UGT1A8: variants seen among roughly 807,000 people sequenced by gnomAD.
The protein encoded by UGT1A8 is UDP glucuronosyltransferase family 1 member A8, also known as UDP-glucuronosyltransferase 1A8.
Under a neutral mutation model 45.3 loss-of-function variants are expected in UGT1A8, and 39 were observed. That is an observed-to-expected ratio of 0.86 (90% CI 0.67 to 1.12). The LOEUF (loss-of-function observed/expected upper bound fraction) is 1.12, where lower values mean the gene tolerates loss of function less well. UGT1A8 is among the 50% of genes most tolerant of loss of function. The pLI is 0.00. For missense variants in UGT1A8, 719 were observed against 664.9 expected, an observed-to-expected ratio of 1.08 and a Z score of -0.90; for synonymous variants, 275 against 249.2, an observed-to-expected ratio of 1.10 and a Z score of -0.97.
chr2:233,661,968 A>C (rs1222576566), intron 1 of UGT1A8, among the ~76,000 whole-genome samples: 1 of 152,100 alleles, frequency 6.6e-6, no homozygotes, highest in East Asian at 1.9e-4. Context: ...TGAACTGTAC[A>C]CATGGAGATG....
Position 233,772,442 on chromosome 2 carries a change from C to T in UGT1A8, c.1476C>T (p.Leu492=), listed in dbSNP as rs1249728637. The T allele has an allele frequency of 1.2e-6, 2 of 1,614,208 alleles. No individual in the cohort carries two copies. Among genetic ancestry groups the T allele is most frequent in the Admixed American group, 3.3e-5 (2 of 60,020 alleles). ...ATTCCTTGGACGTGATTGGTTTCCTCTTGGCCGTCGTGCTGACAGTGGCCT... is the reference window on the plus strand; with the variant it reads ...ATTCCTTGGACGTGATTGGTTTCCTTTTGGCCGTCGTGCTGACAGTGGCCT... ...QYHSLDVIGF[L]LAVVLTVAFI... Residue 492 remains leucine, a synonymous_variant, in exon 5 of 5, where the codon CTC becomes CTT. Coordinates refer to ENST00000373450, the MANE Select transcript of UGT1A8 (RefSeq NM_019076.5).
chr2:233,710,872 T>TA (rs1227633401), intron 1 of UGT1A8, among the ~76,000 whole-genome samples: 2 of 152,242 alleles, frequency 1.3e-5, no homozygotes, highest in African/African-American at 4.8e-5. Flanking sequence ...TTAAAAAAGT[T>TA]AAACAGTTTA....
At chr2:233,694,003 G>A in intron 1 of UGT1A8, 1 of 1,487,488 alleles carries the variant, frequency 6.7e-7, no homozygotes, top group Non-Finnish European at 9.1e-7. Context: ...CCGGCTCGGA[G>A]CAGCGGGAAC....
At chr2:233,679,202 G>A (rs75444879) in intron 1 of UGT1A8, among the ~76,000 whole-genome samples, 53,571 of 151,738 alleles carry the variant, frequency 0.35, 9,582 homozygotes, top group South Asian at 0.44. Context: ...TGTTGAACTT[G>A]TGGGTTCTGG....
chr2:233,739,954 C>G lies in UGT1A8; in HGVS notation c.856-27080C>G, dbSNP rs28900075. On this transcript the variant is annotated intron_variant, in intron 1 of 4. Coordinates refer to ENST00000373450, the MANE Select transcript of UGT1A8 (RefSeq NM_019076.5). Reference sequence around the variant, plus strand: ...TGTTAAGGTTGGTACCTGGTGGGAGCTGATTGAATCATATCGGCAGTTTTC... The same window carrying G: ...TGTTAAGGTTGGTACCTGGTGGGAGGTGATTGAATCATATCGGCAGTTTTC... Among the ~76,000 whole-genome samples the G allele has an allele frequency of 3.7e-4, 56 of 151,998 alleles. No homozygotes were observed. In the East Asian group the frequency reaches 0.011, roughly 29 times the overall value.
chr2:233,758,803 T>C (rs554075465), intron 1 of UGT1A8, among the ~76,000 whole-genome samples: 1 of 152,342 alleles, frequency 6.6e-6, no homozygotes, highest in Admixed American at 6.5e-5. Context: ...TGGAATTGTA[T>C]AGTACAGCAG....
At chr2:233,671,095 CT>C (rs2074178067) in intron 1 of UGT1A8, among the ~76,000 whole-genome samples, 1 of 152,184 alleles carries the variant, frequency 6.6e-6, no homozygotes, top group Non-Finnish European at 1.5e-5. Flanking sequence ...GACATCACCT[CT>C]GACCTCAAGG....
At chr2:233,634,363 T>C (rs1040781566) in intron 1 of UGT1A8, among the ~76,000 whole-genome samples, 2 of 152,222 alleles carry the variant, frequency 1.3e-5, no homozygotes, top group African/African-American at 4.8e-5. Context: ...CTGAATTTCC[T>C]TGTGAATTTT....
At chr2:233,719,662 G>A in intron 1 of UGT1A8, 6 of 1,614,092 alleles carry the variant, frequency 3.7e-6, no homozygotes, top group Non-Finnish European at 5.1e-6. Flanking sequence ...GGCATCAACT[G>A]TGCCAACGGG....
intron 1 of UGT1A8, chr2:233,708,404 A>G (rs984194776): frequency 2.6e-4 from 39 of 152,096 alleles, no homozygotes; most frequent in African/African-American, 9.4e-4. Context: ...ACTTTCATCA[A>G]GTTGTTTCAC....
At chr2:233,641,942 C>T (rs2073464695) in intron 1 of UGT1A8, among the ~76,000 whole-genome samples, 2 of 152,068 alleles carry the variant, frequency 1.3e-5, no homozygotes, top group South Asian at 4.2e-4. Context: ...TTTTCTTTAT[C>T]CTTGACCTTT....
At chr2:233,757,414 C>T (rs1409954571) in intron 1 of UGT1A8, among the ~76,000 whole-genome samples, 3 of 151,192 alleles carry the variant, frequency 2.0e-5, no homozygotes, top group East Asian at 2.0e-4. Context: ...GGGTCTAGAA[C>T]GAAAAGAGAA....
chr2:233,767,288 C>T (rs1214442488), intron 2 of UGT1A8, 123 bp downstream of exon 2: 1 of 1,566,280 alleles, frequency 6.4e-7, no homozygotes, highest in African/African-American at 1.4e-5. Flanking sequence ...TGCCACTTCC[C>T]AACTATTAAT....
chr2:233,627,624 T>TTTCTTC (rs2073108145), intron 1 of UGT1A8, among the ~76,000 whole-genome samples: 1 of 111,934 alleles, frequency 8.9e-6, no homozygotes, highest in Non-Finnish European at 1.9e-5. Flanking sequence ...TTCCTTCCTT[T>TTTCTTC]CTTCCTTCCT....
intron 1 of UGT1A8, among the ~76,000 whole-genome samples, chr2:233,676,308 T>A (rs1176322350): frequency 6.6e-6 from 1 of 152,120 alleles, no homozygotes; most frequent in African/African-American, 2.4e-5. Flanking sequence ...TTTCTCACAG[T>A]CTGTTGAGTG....
intron 1 of UGT1A8, among the ~76,000 whole-genome samples, chr2:233,635,104 T>C (rs1424093545): frequency 1.3e-5 from 2 of 151,000 alleles, no homozygotes; most frequent in Admixed American, 1.3e-4. Flanking sequence ...GAAAATTCTT[T>C]CCTTTAGGAA....
chr2:233,618,455 A>G lies in UGT1A8; in HGVS notation c.748A>G (p.Ile250Val). The G allele has an allele frequency of 6.2e-7, 1 of 1,613,846 alleles. No individual in the cohort carries two copies. The highest frequency in any genetic ancestry group is 1.3e-5 in the African/African-American group (1 of 75,012). The change falls in exon 1 of 5, where the codon ATT becomes GTT. Residue 250 changes from isoleucine (I) to valine (V), a missense_variant. Coordinates refer to ENST00000373450, the MANE Select transcript of UGT1A8 (RefSeq NM_019076.5). ...ATATGATCTCTACAGCCACACATCA[A>G]TTTGGTTGTTGCGAACAGACTTTGT... Reference protein sequence around the residue: ...TAYDLYSHTSIWLLRTDFVLD... With the variant: ...TAYDLYSHTSVWLLRTDFVLD...
intron 1 of UGT1A8, among the ~76,000 whole-genome samples, chr2:233,639,359 A>G (rs866675923): frequency 1.4e-4 from 22 of 152,214 alleles, no homozygotes; most frequent in South Asian, 6.2e-4. Flanking sequence ...ATTCGATCTC[A>G]AAGAGGGCTT....
chr2:233,624,546 T>C (rs2073061995), intron 1 of UGT1A8, among the ~76,000 whole-genome samples: 1 of 152,172 alleles, frequency 6.6e-6, no homozygotes, highest in South Asian at 2.1e-4. Flanking sequence ...TGCATGTATT[T>C]CTAGACTTTG....
Sources: allele counts gnomAD v4.1 joint callset (sites outside exome capture counted in the v4.1 genomes callset), GRCh38; gene constraint gnomAD v4.1.1; transcripts MANE v1.5; gene names NCBI Gene and HGNC (gene_info 2026-07-23, HGNC 2026-07-21).